Variants in TMEM65 observed in about 807,000 individuals in gnomAD.
TMEM65 encodes transmembrane protein 65.
Under a neutral mutation model 25.4 loss-of-function variants are expected in TMEM65, and 22 were observed. That is an observed-to-expected ratio of 0.86 (90% CI 0.62 to 1.23). The LOEUF is 1.23. Ranked by LOEUF, TMEM65 falls within the 50% of genes most tolerant of loss-of-function variation. TMEM65 has a pLI of 0.00. For missense variants in TMEM65, 262 were observed against 308.2 expected (o/e 0.85, Z 1.12); for synonymous variants, 132 against 126.2 (o/e 1.05, Z -0.31).
chr8:124,330,852 T>C (rs1814423580), intron 1 of TMEM65, 60 bp from the exon 2 acceptor site: 1 of 1,430,224 alleles, frequency 7.0e-7, no homozygotes, highest in Non-Finnish European at 9.6e-7. Flanking sequence ...ATATTTTTTA[T>C]TACAATGAAG....
intron 1 of TMEM65, among the ~76,000 whole-genome samples, chr8:124,347,287 G>A (rs578009398): frequency 4.9e-4 from 74 of 152,088 alleles, no homozygotes; most frequent in African/African-American, 1.6e-3. Flanking sequence ...TATGTCTTAC[G>A]TAAAACCCAT....
In TMEM65 at chr8:124,309,291, G is replaced by A. The variant is rs1242620569; in HGVS notation, c.*4669C>T. 2 of 152,124 alleles carry A rather than the reference G, an allele frequency of 1.3e-5. No individual in the cohort carries two copies. Among genetic ancestry groups the A allele is most frequent in the African/African-American group, 4.8e-5 (2 of 41,416 alleles). 9.4% of individuals were successfully genotyped at this position (152,124 alleles called of 1,614,324 possible). On this transcript the variant is annotated 3_prime_UTR_variant, in exon 7 of 7. Coordinates refer to ENST00000297632, the MANE Select transcript of TMEM65 (RefSeq NM_194291.3). ...TATTCAGATTTTCAGCAGCACAGGG[G>A]GTTGGTGTCCCTAATCCCTCCATTG...
chr8:124,334,634 G>A (rs569334994), intron 1 of TMEM65, among the ~76,000 whole-genome samples: 4 of 150,882 alleles, frequency 2.7e-5, no homozygotes, highest in Admixed American at 6.6e-5. Context: ...TATGGTAGGG[G>A]GTACCTATCA....
chr8:124,343,706 CA>C (rs1814610260), intron 1 of TMEM65, among the ~76,000 whole-genome samples: 1 of 152,068 alleles, frequency 6.6e-6, no homozygotes, highest in African/African-American at 2.4e-5. Context: ...ACAGCTTTCC[CA>C]AGATTACAAA....
intron 2 of TMEM65, among the ~76,000 whole-genome samples, chr8:124,329,174 T>C (rs188722765): frequency 6.6e-6 from 1 of 152,108 alleles, no homozygotes; most frequent in East Asian, 1.9e-4. Context: ...AAGTAAAACA[T>C]TAATAAAATG....
intron 1 of TMEM65, among the ~76,000 whole-genome samples, chr8:124,334,840 G>C (rs1814486092): frequency 6.7e-6 from 1 of 148,820 alleles, no homozygotes; most frequent in African/African-American, 2.5e-5. Context: ...GCAGAATGAA[G>C]GTGAGAGAAG....
intron 1 of TMEM65, chr8:124,351,023 A>T: frequency 2.0e-6 from 2 of 985,188 alleles, no homozygotes; most frequent in Non-Finnish European, 2.4e-6. Flanking sequence ...TCAACACTGT[A>T]AGACTGTACT....
At chr8:124,371,502 G>C (rs1054930192) in intron 1 of TMEM65, among the ~76,000 whole-genome samples, 1 of 152,268 alleles carries the variant, frequency 6.6e-6, no homozygotes, top group African/African-American at 2.4e-5. Context: ...AGGGCTAAGG[G>C]ACAGGAGGGC....
chr8:124,371,696 C>T (rs1815015286), intron 1 of TMEM65, among the ~76,000 whole-genome samples, 158 bp downstream of exon 1: 1 of 152,182 alleles, frequency 6.6e-6, no homozygotes, highest in Non-Finnish European at 1.5e-5. Context: ...GTCTCCCCGC[C>T]CCCAGCCGTC....
In TMEM65 at chr8:124,322,028, C is replaced by T. The variant is rs544969108; in HGVS notation, c.515+77G>A. On this transcript the variant is annotated intron_variant, in intron 5 of 6. Coordinates refer to ENST00000297632, the MANE Select transcript of TMEM65 (RefSeq NM_194291.3). ...AAAAATGAAATATTCTTTTGTTATG[C>T]TTCTCAATTAAAGAAGAGTGGGGAA... The T allele has an allele frequency of 2.3e-5, 23 of 1,012,862 alleles. No individual in the cohort carries two copies. In the Admixed American group the frequency reaches 5.0e-4, roughly 22 times the overall value. The allele number at this position is 1,012,862 out of a possible 1,614,324, so 62.7% of individuals were successfully genotyped here.
At chr8:124,317,102 A>T (rs548318368) in intron 6 of TMEM65, among the ~76,000 whole-genome samples, 1 of 152,334 alleles carries the variant, frequency 6.6e-6, no homozygotes, top group South Asian at 2.1e-4. Context: ...TGATGAATTT[A>T]ACTCTATATT....
chr8:124,340,303 T>C (rs1431250315), intron 1 of TMEM65, among the ~76,000 whole-genome samples: 1 of 152,212 alleles, frequency 6.6e-6, no homozygotes, highest in East Asian at 1.9e-4. Flanking sequence ...TGTATATCTA[T>C]ATATGTGTGA....
chr8:124,363,150 A>T (rs1348787359), intron 1 of TMEM65, among the ~76,000 whole-genome samples: 2 of 152,256 alleles, frequency 1.3e-5, no homozygotes, highest in African/African-American at 4.8e-5. Flanking sequence ...CCTCAAACTA[A>T]CTTTGAGACG....
chr8:124,318,331 A>G (rs1814262351), intron 6 of TMEM65, among the ~76,000 whole-genome samples: 1 of 146,548 alleles, frequency 6.8e-6, no homozygotes, highest in Non-Finnish European at 1.5e-5. Flanking sequence ...GAGATAACAA[A>G]TATATGTTGT....
intron 1 of TMEM65, among the ~76,000 whole-genome samples, chr8:124,354,694 C>A (rs988327075): frequency 1.3e-5 from 2 of 152,192 alleles, no homozygotes; most frequent in Non-Finnish European, 2.9e-5. Flanking sequence ...GAGGCTTCCA[C>A]TGAAACTATA....
Position 124,339,191 on chromosome 8 carries a change from C to CAAAA in TMEM65, c.305-8403_305-8400dup, listed in dbSNP as rs1168433838. On this transcript the variant is annotated intron_variant, in intron 1 of 6. Coordinates refer to ENST00000297632, the MANE Select transcript of TMEM65 (RefSeq NM_194291.3). ...TGGGCAACAGAGCAAGACTCTGTCT[C>CAAAA]AAAAAAAAAAAAAAAAAAAAAAAAA... 8.0e-4 allele frequency among the ~76,000 whole-genome samples: 35 copies of CAAAA among 43,534 alleles called. 1 individual carries two copies. Among genetic ancestry groups the CAAAA allele is most frequent in the African/African-American group, 1.4e-3 (9 of 6,608 alleles). The allele number at this position is 43,534 out of a possible 152,430, so 28.6% of individuals were successfully genotyped here. A position where few individuals can be genotyped will look rare whatever the true frequency, so the allele number is the denominator to read the frequency against.
At chr8:124,314,486 T>G (rs1814208102) in intron 6 of TMEM65, among the ~76,000 whole-genome samples, 1 of 152,234 alleles carries the variant, frequency 6.6e-6, no homozygotes, top group Non-Finnish European at 1.5e-5. Context: ...TCAAACAGTA[T>G]TAATATTTGT....
intron 2 of TMEM65, among the ~76,000 whole-genome samples, chr8:124,328,022 C>T (rs1814388516): frequency 6.6e-6 from 1 of 151,996 alleles, no homozygotes; most frequent in East Asian, 1.9e-4. Context: ...AAACTATAAA[C>T]AATCAATATT....
At chr8:124,341,856 G>T (rs965687102) in intron 1 of TMEM65, among the ~76,000 whole-genome samples, 1 of 150,636 alleles carries the variant, frequency 6.6e-6, no homozygotes. Context: ...TTGATTTTCC[G>T]GTCAAGCCCT....
Sources: allele counts gnomAD v4.1 joint callset (sites outside exome capture counted in the v4.1 genomes callset), GRCh38; gene constraint gnomAD v4.1.1; transcripts MANE v1.5; gene names NCBI Gene and HGNC (gene_info 2026-07-23, HGNC 2026-07-21).